The following PRKAG2 variants were observed in gnomAD, a reference collection of about 807,000 sequenced individuals.
PRKAG2 encodes 5'-AMP-activated protein kinase subunit gamma-2.
In PRKAG2, 26 loss-of-function variants were observed where a neutral mutation model predicts 69.6. The observed-to-expected ratio is 0.37, with a 90% CI of 0.27 to 0.52. The LOEUF (loss-of-function observed/expected upper bound fraction) is 0.52, where lower values mean the gene tolerates loss of function less well. PRKAG2 is among the 20% of genes least tolerant of loss of function. The pLI, the probability that PRKAG2 is intolerant of heterozygous loss-of-function variation, is 0.90. For synonymous variants in PRKAG2, 293 were observed against 285.0 expected, an observed-to-expected ratio of 1.03 and a Z score of -0.28; for missense variants, 557 against 740.0, an observed-to-expected ratio of 0.75 and a Z score of 2.87.
chr7:151,666,304 A>G (rs1393752045), intron 4 of PRKAG2, among the ~76,000 whole-genome samples: 2 of 152,214 alleles, frequency 1.3e-5, no homozygotes, highest in Non-Finnish European at 2.9e-5. Flanking sequence ...CCCTAGTCCA[A>G]TAGGACTTGT....
Position 151,583,483 on chromosome 7 carries a change from G to T in PRKAG2, c.865-7031C>A, listed in dbSNP as rs898518654. On this transcript the variant is annotated intron_variant, in intron 6 of 15. Coordinates refer to ENST00000287878, the MANE Select transcript of PRKAG2 (RefSeq NM_016203.4). The surrounding 1 kb of genome is among the most constrained non-coding windows in gnomAD (Gnocchi z 4.1). The stretch of plus-strand genomic sequence containing the variant: ...GGCCTGACGCTTCTGTGGTTTTGCC[G>T]ACCTTCTTTGCAATAACGAGGCCTT... Among the ~76,000 whole-genome samples the T allele has an allele frequency of 6.6e-6, 1 of 152,132 alleles. No homozygotes were observed. Among genetic ancestry groups the T allele is most frequent in the Admixed American group, 6.5e-5 (1 of 15,268 alleles).
At chr7:151,698,330 C>A (rs985218526) in intron 3 of PRKAG2, among the ~76,000 whole-genome samples, 1 of 152,190 alleles carries the variant, frequency 6.6e-6, no homozygotes, top group South Asian at 2.1e-4. Flanking sequence ...CCTTCACTGT[C>A]CCATCCCCCA....
chr7:151,712,197 A>C (rs887646060), intron 3 of PRKAG2, among the ~76,000 whole-genome samples: 1 of 152,212 alleles, frequency 6.6e-6, no homozygotes, highest in Non-Finnish European at 1.5e-5. Flanking sequence ...CCTGGCACCC[A>C]GCCTCCGCCC....
intron 14 of PRKAG2, among the ~76,000 whole-genome samples, chr7:151,561,139 T>C (rs1274170548): frequency 6.6e-6 from 1 of 152,230 alleles, no homozygotes; most frequent in African/African-American, 2.4e-5. Context: ...CTGTCTCTAA[T>C]GATACTGATT....
rs2079162278 is a variant in PRKAG2, at chr7:151,837,000, C to T, written c.114+39507G>A. On this transcript the variant is annotated intron_variant, in intron 1 of 15. Transcript: ENST00000287878. The surrounding 1 kb of genome is among the most constrained non-coding windows in gnomAD (Gnocchi z 4.1). ...TTTGAGGCTATTTGTTTAAATTCAA[C>T]TTGAACCCCGGTTACCTCCAGCTCA... 6.6e-6 allele frequency among the ~76,000 whole-genome samples: 1 copy of T among 152,130 alleles called. No homozygotes were observed. The highest frequency in any genetic ancestry group is 6.5e-5 in the Admixed American group (1 of 15,282).
At chr7:151,773,819 C>T (rs933556626) in intron 3 of PRKAG2, among the ~76,000 whole-genome samples, 6 of 152,200 alleles carry the variant, frequency 3.9e-5, no homozygotes, top group African/African-American at 7.2e-5. Context: ...GAAGCTCCTG[C>T]AGCCACTCAG....
intron 1 of PRKAG2, among the ~76,000 whole-genome samples, chr7:151,823,048 C>T (rs539053404): frequency 2.2e-4 from 33 of 148,510 alleles, no homozygotes; most frequent in African/African-American, 6.2e-4. Context: ...CACCCCACAG[C>T]GGAAAACGCA....
chr7:151,644,843 T>C (rs1827297569), intron 4 of PRKAG2, among the ~76,000 whole-genome samples: 1 of 152,218 alleles, frequency 6.6e-6, no homozygotes, highest in African/African-American at 2.4e-5. Flanking sequence ...CAATGCTTGG[T>C]ATGGTCTCTT....
chr7:151,855,839 T>C (rs1486032778), intron 1 of PRKAG2, among the ~76,000 whole-genome samples: 5 of 152,214 alleles, frequency 3.3e-5, no homozygotes, highest in Non-Finnish European at 7.4e-5. Flanking sequence ...TGAGTCTGTG[T>C]CCTCGCTTAG....
chr7:151,680,307 G>A (rs975731931), intron 3 of PRKAG2, among the ~76,000 whole-genome samples: 7 of 152,170 alleles, frequency 4.6e-5, no homozygotes, highest in African/African-American at 1.4e-4. Flanking sequence ...AGACGCAGAG[G>A]CTCGTCAAGA....
In PRKAG2 at chr7:151,595,289, A is replaced by C. The variant is rs979173719; in HGVS notation, c.864+56T>G. On this transcript the variant is annotated intron_variant, in intron 6 of 15. Transcript: ENST00000287878. ...CATTGCTGGTTTTAAATTACTGTAT[A>C]AAGTAGTAGCCATCCAAAAAATACC... is the stretch of plus-strand genomic sequence containing the variant. 15 of 1,247,972 alleles carry C rather than the reference A, an allele frequency of 1.2e-5. No homozygotes were observed. The African/African-American group carries it at 2.4e-4, about 20-fold the overall frequency. 77.3% of individuals were successfully genotyped at this position (1,247,972 alleles called of 1,614,324 possible).
chr7:151,842,954 C>G (rs753066652), intron 1 of PRKAG2, among the ~76,000 whole-genome samples: 20 of 152,030 alleles, frequency 1.3e-4, no homozygotes, highest in East Asian at 1.9e-4. Context: ...CCTGTCCCTA[C>G]TTTGGGACAC....
At chr7:151,668,145 T>C (rs1200372036) in intron 4 of PRKAG2, among the ~76,000 whole-genome samples, 1 of 152,192 alleles carries the variant, frequency 6.6e-6, no homozygotes, top group Non-Finnish European at 1.5e-5. Flanking sequence ...CTCACAGGAA[T>C]GGATTAGTTC....
At chr7:151,684,180 C>G (rs1237990312) in intron 3 of PRKAG2, among the ~76,000 whole-genome samples, 1 of 152,144 alleles carries the variant, frequency 6.6e-6, no homozygotes, top group African/African-American at 2.4e-5. Flanking sequence ...GCCTGCCATG[C>G]CTCCAGCAAC....
chr7:151,732,742 G>C (rs529210846), intron 3 of PRKAG2, among the ~76,000 whole-genome samples: 2 of 152,326 alleles, frequency 1.3e-5, no homozygotes, highest in Admixed American at 1.3e-4. Context: ...ACCCAGGCTA[G>C]AGTGCAATGG....
At chr7:151,689,697 G>C (rs1391673036) in intron 3 of PRKAG2, among the ~76,000 whole-genome samples, 4 of 152,154 alleles carry the variant, frequency 2.6e-5, no homozygotes, top group Non-Finnish European at 4.4e-5. Flanking sequence ...GGCTGCAGCC[G>C]GCTGCCATGG....
At chr7:151,628,161 G>A (rs958892674) in intron 5 of PRKAG2, among the ~76,000 whole-genome samples, 1 of 152,218 alleles carries the variant, frequency 6.6e-6, no homozygotes, top group Non-Finnish European at 1.5e-5. Context: ...GCAGCTGGGA[G>A]AGAATGCGGA....
intron 1 of PRKAG2, among the ~76,000 whole-genome samples, chr7:151,811,029 G>A (rs2151852799): frequency 6.6e-6 from 1 of 152,278 alleles, no homozygotes; most frequent in Admixed American, 6.5e-5. Context: ...GACAGGTGGG[G>A]CAGAACCACC....
intron 1 of PRKAG2, among the ~76,000 whole-genome samples, chr7:151,786,961 G>A (rs1201209614): frequency 6.6e-6 from 1 of 152,200 alleles, no homozygotes; most frequent in African/African-American, 2.4e-5. Context: ...GGGATGGGGA[G>A]GGTGACACTG....
Sources: allele counts gnomAD v4.1 joint callset (sites outside exome capture counted in the v4.1 genomes callset), GRCh38; gene constraint gnomAD v4.1.1; non-coding constraint Gnocchi (gnomAD v3.1); transcripts MANE v1.5; gene names NCBI Gene and HGNC (gene_info 2026-07-23, HGNC 2026-07-21).